The following SREBF2 variants were observed in gnomAD, a reference collection of about 807,000 sequenced individuals.
SREBF2 encodes the protein sterol regulatory element binding transcription factor 2, also known as sterol regulatory element-binding protein 2.
Under a neutral mutation model 113.1 loss-of-function variants are expected in SREBF2, and 55 were observed. The observed-to-expected ratio is 0.49, with a 90% CI of 0.39 to 0.61. The LOEUF is 0.61. Among genes scored for constraint, SREBF2 ranks in the 20% least tolerant of loss-of-function variants. The probability of loss-of-function intolerance (pLI) is 0.00; values close to 1 mark genes in which losing one functional copy is unlikely to be tolerated. For synonymous variants in SREBF2, 593 were observed against 605.7 expected (o/e 0.98, Z 0.31); for missense variants, 1,349 against 1,487.4 (o/e 0.91, Z 1.53).
chr22:41,875,857 G>A (rs991699941), intron 7 of SREBF2, 133 bp downstream of exon 7: 4 of 1,070,668 alleles, frequency 3.7e-6, no homozygotes, highest in African/African-American at 1.6e-5. Flanking sequence ...GGAATTCTGT[G>A]AAATTAGCCA....
chr22:41,874,636 T>C (rs1364720737), intron 5 of SREBF2, among the ~76,000 whole-genome samples: 1 of 152,234 alleles, frequency 6.6e-6, no homozygotes, highest in East Asian at 1.9e-4. Context: ...GGCTAGGCAC[T>C]GTGGCTTACG....
At chr22:41,888,540 G>A (rs1168636959) in intron 11 of SREBF2, among the ~76,000 whole-genome samples, 3 of 152,172 alleles carry the variant, frequency 2.0e-5, no homozygotes, top group African/African-American at 7.2e-5. Context: ...TTGATGTCTG[G>A]AAGTGTTGGT....
chr22:41,885,424 T>G (rs962870689), intron 11 of SREBF2, among the ~76,000 whole-genome samples: 4 of 152,238 alleles, frequency 2.6e-5, no homozygotes, highest in African/African-American at 9.6e-5. Context: ...GGGCATCTTG[T>G]ATTGATCACA....
intron 1 of SREBF2, among the ~76,000 whole-genome samples, chr22:41,861,411 G>T (rs2077026280): frequency 6.6e-6 from 1 of 151,830 alleles, no homozygotes; most frequent in Non-Finnish European, 1.5e-5. Flanking sequence ...CAGGAGAATT[G>T]CTTGAACCTG....
intron 11 of SREBF2, among the ~76,000 whole-genome samples, chr22:41,892,139 G>A (rs908647229): frequency 2.0e-5 from 3 of 152,188 alleles, no homozygotes; most frequent in African/African-American, 7.2e-5. Context: ...AGCTTTGTGG[G>A]GGGAGTCTCT....
rs1218090899 is a variant in SREBF2, at chr22:41,905,538, C to T, written c.3304C>T (p.Arg1102Trp). 21 of 1,589,024 alleles carry T rather than the reference C, an allele frequency of 1.3e-5. No individual in the cohort carries two copies. The highest frequency in any genetic ancestry group is 6.9e-5 in the South Asian group (6 of 87,224). ...CTCCTTCCTCTCCTCCCCGGGCCAG[C>T]GGGCAGTGCTGCTGGCCGAAGCTGC... Reference protein sequence around the residue: ...PLSFLSSPGQRAVLLAEAART... With the variant: ...PLSFLSSPGQWAVLLAEAART... The change falls in exon 19 of 19, where the codon CGG (arginine) becomes TGG (tryptophan). Residue 1102 changes from arginine to tryptophan, a missense_variant. Arg to Trp is a moderately radical substitution (Grantham distance 101). Around this residue, in one of 2 missense-constraint regions of SREBF2, gnomAD observed 650 missense variants for 644.1 expected, o/e 1.01. Transcript: ENST00000361204.
At chr22:41,902,652 C>T (rs2077474608) in intron 16 of SREBF2, among the ~76,000 whole-genome samples, 3 of 152,204 alleles carry the variant, frequency 2.0e-5, no homozygotes, top group African/African-American at 7.2e-5. Context: ...GCGCCTTCAA[C>T]CCACAAGGGT....
At chr22:41,848,813 A>C (rs2076901698) in intron 1 of SREBF2, among the ~76,000 whole-genome samples, 1 of 152,198 alleles carries the variant, frequency 6.6e-6, no homozygotes. Flanking sequence ...ACCACCACCA[A>C]GACCGCTTTT....
intron 11 of SREBF2, among the ~76,000 whole-genome samples, chr22:41,890,478 T>C (rs980320281): frequency 2.7e-4 from 41 of 152,148 alleles, no homozygotes; most frequent in African/African-American, 9.9e-4. Context: ...GTTAGACCGA[T>C]GTTAGGGGAC....
intron 9 of SREBF2, 127 bp downstream of exon 9, chr22:41,878,250 G>C: frequency 7.8e-7 from 1 of 1,284,884 alleles, no homozygotes; most frequent in South Asian, 1.3e-5. Flanking sequence ...CTGCTGAATA[G>C]TCACAGGGCA....
rs2076735771 is a variant in SREBF2 at position 41,833,530 on chromosome 22, C to T, written c.88+172C>T. The T allele has an allele frequency of 7.8e-6, 4 of 515,126 alleles. No homozygotes were observed. Among genetic ancestry groups the T allele is most frequent in the African/African-American group, 2.0e-5 (1 of 49,158 alleles). The allele number at this position is 515,126 out of a possible 1,614,324, so 31.9% of individuals were successfully genotyped here. A position where few individuals can be genotyped will look rare whatever the true frequency, so the allele number is the denominator to read the frequency against. ...ACCCTTCCGGCGCTGCGAGCGTGAG[C>T]CCGACCCAGCTGCGCCGCTCCGGGA... On this transcript the variant is annotated intron_variant, in intron 1 of 18. Transcript: ENST00000361204. The surrounding 1 kb of genome is among the most constrained non-coding windows in gnomAD (Gnocchi z 4.1).
chr22:41,895,970 C>T (rs1235909875), intron 13 of SREBF2, among the ~76,000 whole-genome samples: 2 of 151,694 alleles, frequency 1.3e-5, no homozygotes, highest in East Asian at 2.0e-4. Flanking sequence ...GGTGAAACCC[C>T]GTCTACTAAA....
intron 1 of SREBF2, among the ~76,000 whole-genome samples, chr22:41,839,417 A>T (rs1569367786): frequency 1.3e-5 from 2 of 152,148 alleles, no homozygotes; most frequent in African/African-American, 2.4e-5. Flanking sequence ...AGTAGTCTGT[A>T]GATGGTGGAG....
chr22:41,869,011 G>A (rs911828191), intron 3 of SREBF2, among the ~76,000 whole-genome samples: 3 of 152,212 alleles, frequency 2.0e-5, no homozygotes, highest in Admixed American at 6.5e-5. Flanking sequence ...AGTCACTTAC[G>A]TACACATGTA....
chr22:41,899,379 G>A, intron 15 of SREBF2: 2 of 1,008,454 alleles, frequency 2.0e-6, no homozygotes, highest in South Asian at 4.1e-5. Flanking sequence ...ACTAGTGATG[G>A]GCAGCCCTGC....
chr22:41,900,578 C>G, intron 16 of SREBF2, 80 bp downstream of exon 16: 1 of 1,453,680 alleles, frequency 6.9e-7, no homozygotes, highest in Non-Finnish European at 9.5e-7. Flanking sequence ...CTCATGCTGA[C>G]CCTGCGGGTG....
chr22:41,845,262 A>C (rs932451997), intron 1 of SREBF2, among the ~76,000 whole-genome samples: 1 of 152,154 alleles, frequency 6.6e-6, no homozygotes, highest in Non-Finnish European at 1.5e-5. Context: ...TTCCATGGAC[A>C]TAGATGAAGG....
At chr22:41,902,912 C>T (rs1247981881) in intron 16 of SREBF2, 58 bp from the exon 17 acceptor site, 1 of 1,552,502 alleles carries the variant, frequency 6.4e-7, no homozygotes, top group African/African-American at 1.4e-5. Context: ...GTGCTAGGAT[C>T]CTTGCCTCAG....
At chr22:41,868,921 A>T in intron 3 of SREBF2, 129 bp downstream of exon 3, 1 of 1,216,760 alleles carries the variant, frequency 8.2e-7, no homozygotes, top group Non-Finnish European at 1.2e-6. Flanking sequence ...GGGCGCCAGG[A>T]TGCACCTGTG....
Sources: allele counts gnomAD v4.1 joint callset (sites outside exome capture counted in the v4.1 genomes callset), GRCh38; gene constraint gnomAD v4.1.1; regional missense constraint gnomAD v4.1.1; non-coding constraint Gnocchi (gnomAD v3.1); transcripts MANE v1.5; gene names NCBI Gene and HGNC (gene_info 2026-07-23, HGNC 2026-07-21).